BAIAP2: variants seen among roughly 807,000 people sequenced by gnomAD.
The protein encoded by BAIAP2 is BAR/IMD domain-containing adapter protein 2.
In BAIAP2, 18 loss-of-function variants were observed where a neutral mutation model predicts 63.0. The ratio of observed to expected loss-of-function variants is 0.29; its 90% confidence interval spans 0.20 to 0.42. The LOEUF is 0.42. BAIAP2 is among the 10% of genes least tolerant of loss of function. The probability of loss-of-function intolerance (pLI) is 1.00; values close to 1 mark genes in which losing one functional copy is unlikely to be tolerated. For missense variants in BAIAP2, 610 were observed against 734.3 expected (o/e 0.83, Z 1.96); for synonymous variants, 386 against 307.6 (o/e 1.25, Z -2.67).
chr17:81,074,677 T>C (rs572542329), intron 3 of BAIAP2, among the ~76,000 whole-genome samples: 1 of 148,244 alleles, frequency 6.7e-6, no homozygotes, highest in African/African-American at 2.5e-5. Context: ...CGGATGCGTA[T>C]GAGTGCCTGT....
At chr17:81,051,325 G>A (rs1007050833) in intron 1 of BAIAP2, among the ~76,000 whole-genome samples, 13 of 152,192 alleles carry the variant, frequency 8.5e-5, no homozygotes, top group African/African-American at 2.9e-4. Flanking sequence ...CCCAGCATAC[G>A]CCAGGGCCCT....
chr17:81,044,914 C>T (rs1386414734), intron 1 of BAIAP2, among the ~76,000 whole-genome samples: 2 of 152,196 alleles, frequency 1.3e-5, no homozygotes, highest in Admixed American at 1.3e-4. Context: ...CCCCGTGAGG[C>T]TGAGCAGTTG....
At chr17:81,050,350 G>A (rs956058372) in intron 1 of BAIAP2, among the ~76,000 whole-genome samples, 6 of 139,556 alleles carry the variant, frequency 4.3e-5, no homozygotes, top group African/African-American at 1.0e-4. Context: ...TGTCCTGGTG[G>A]CTGTTCCCTG....
chr17:81,044,748 C>A (rs551471701), intron 1 of BAIAP2, among the ~76,000 whole-genome samples: 7 of 152,234 alleles, frequency 4.6e-5, no homozygotes, highest in African/African-American at 1.7e-4. Flanking sequence ...TCCCTTCCAA[C>A]CTCAGTCAGA....
At chr17:81,047,723 A>T (rs898110926) in intron 1 of BAIAP2, among the ~76,000 whole-genome samples, 2 of 150,452 alleles carry the variant, frequency 1.3e-5, no homozygotes, top group African/African-American at 4.9e-5. Context: ...CGTCCAGCAC[A>T]TGTGTGAGTG....
chr17:81,100,684 C>T (rs536492711), intron 7 of BAIAP2, among the ~76,000 whole-genome samples: 20 of 152,294 alleles, frequency 1.3e-4, no homozygotes, highest in Admixed American at 6.5e-4. Flanking sequence ...GCTCGGCTGT[C>T]GTACGTGGAC....
intron 2 of BAIAP2, among the ~76,000 whole-genome samples, chr17:81,054,862 CT>C (rs534935264): frequency 1.3e-3 from 204 of 152,280 alleles, no homozygotes; most frequent in Non-Finnish European, 2.1e-3. Flanking sequence ...GCCAGATGCC[CT>C]TCTCACCTGC....
Position 81,116,036 on chromosome 17 carries a change from A to C in BAIAP2, c.*197A>C. On this transcript the variant is annotated 3_prime_UTR_variant, in exon 14 of 14. Coordinates refer to ENST00000428708, the MANE Select transcript of BAIAP2 (RefSeq NM_001144888.2). ...GGCAGAGTGGGGCGCAGGCCCCTGA[A>C]GGGCGAGACCCAGTGGCTGGGCTGC... 1 of 1,458,342 alleles carries C rather than the reference A, an allele frequency of 6.9e-7. No individual in the cohort carries two copies. The highest frequency in any genetic ancestry group is 9.0e-7 in the Non-Finnish European group (1 of 1,108,620). The allele number at this position is 1,458,342 out of a possible 1,614,324, so 90.3% of individuals were successfully genotyped here.
intron 3 of BAIAP2, among the ~76,000 whole-genome samples, chr17:81,070,588 T>C (rs1297533024): frequency 6.6e-6 from 1 of 152,160 alleles, no homozygotes; most frequent in Non-Finnish European, 1.5e-5. Flanking sequence ...GAGAAGGCCC[T>C]GGCGTGCCTG....
At chr17:81,041,372 G>A (rs1453986362) in intron 1 of BAIAP2, among the ~76,000 whole-genome samples, 1 of 152,194 alleles carries the variant, frequency 6.6e-6, no homozygotes, top group East Asian at 1.9e-4. Flanking sequence ...TGATGGGCAG[G>A]GGTGGGATGC....
intron 7 of BAIAP2, among the ~76,000 whole-genome samples, chr17:81,100,449 G>A (rs564703997): frequency 2.8e-4 from 42 of 152,290 alleles, no homozygotes; most frequent in Non-Finnish European, 5.7e-4. Context: ...GAGTCCCGGT[G>A]GGACACCTGG....
intron 6 of BAIAP2, among the ~76,000 whole-genome samples, chr17:81,088,914 C>T (rs1254814843): frequency 2.0e-5 from 3 of 152,218 alleles, no homozygotes; most frequent in Non-Finnish European, 2.9e-5. Context: ...CTCCCTCCTG[C>T]AGGCTGGAGC....
chr17:81,102,789 C>G (rs1335317811), intron 7 of BAIAP2, among the ~76,000 whole-genome samples: 1 of 152,222 alleles, frequency 6.6e-6, no homozygotes, highest in Non-Finnish European at 1.5e-5. Context: ...CATAGCAGTT[C>G]TGGCCCACAG....
intron 8 of BAIAP2, 73 bp from the exon 9 acceptor site, chr17:81,103,834 G>A: frequency 6.3e-7 from 1 of 1,596,504 alleles, no homozygotes; most frequent in Non-Finnish European, 8.5e-7. Context: ...TGAGGGGGCG[G>A]AGGGTTCTCT....
At chr17:81,090,851 C>G (rs1285854328) in intron 6 of BAIAP2, among the ~76,000 whole-genome samples, 1 of 152,128 alleles carries the variant, frequency 6.6e-6, no homozygotes, top group African/African-American at 2.4e-5. Context: ...CAGGGCTGTT[C>G]CTGCTGGTTC....
At chr17:81,080,045 T>C (rs971242086) in intron 3 of BAIAP2, among the ~76,000 whole-genome samples, 5 of 152,194 alleles carry the variant, frequency 3.3e-5, no homozygotes, top group Non-Finnish European at 7.3e-5. Flanking sequence ...TTCAGGCCCC[T>C]GAAGGACACA....
intron 3 of BAIAP2, among the ~76,000 whole-genome samples, chr17:81,077,623 A>G (rs1041020983): frequency 1.3e-5 from 2 of 152,122 alleles, no homozygotes; most frequent in Non-Finnish European, 2.9e-5. Flanking sequence ...CTCAATTTTA[A>G]AAAAAGAGCC....
At chr17:81,079,515 G>C (rs1242935107) in intron 3 of BAIAP2, among the ~76,000 whole-genome samples, 1 of 152,042 alleles carries the variant, frequency 6.6e-6, no homozygotes, top group Admixed American at 6.5e-5. Context: ...CTAGCCCTCC[G>C]ATGCTCCTCC....
chr17:81,096,448 CAG>C (rs1413944451), intron 6 of BAIAP2, among the ~76,000 whole-genome samples: 1 of 152,258 alleles, frequency 6.6e-6, no homozygotes, highest in African/African-American at 2.4e-5. Flanking sequence ...ACAGGCCACT[CAG>C]AGCCTGGAGG....
Sources: allele counts gnomAD v4.1 joint callset (sites outside exome capture counted in the v4.1 genomes callset), GRCh38; gene constraint gnomAD v4.1.1; transcripts MANE v1.5; gene names NCBI Gene and HGNC (gene_info 2026-07-23, HGNC 2026-07-21).